Variants in DGKH observed in about 807,000 individuals in gnomAD.
DGKH encodes DAG kinase eta.
DGKH carries 90 observed loss-of-function variants against 159.3 expected under a neutral mutation model. The observed-to-expected ratio is 0.57, with a 90% confidence interval of 0.48 to 0.67. The LOEUF is 0.67. Ranked by LOEUF, DGKH falls within the 30% of genes least tolerant of loss-of-function variation. The pLI, the probability that DGKH is intolerant of heterozygous loss-of-function variation, is 0.00. For missense variants in DGKH, 1,181 were observed against 1,506.1 expected (o/e 0.78, Z 3.57); for synonymous variants, 536 against 553.8 (o/e 0.97, Z 0.45).
At chr13:42,072,377 T>C (rs1209214678) in intron 1 of DGKH, among the ~76,000 whole-genome samples, 1 of 152,224 alleles carries the variant, frequency 6.6e-6, no homozygotes, top group Non-Finnish European at 1.5e-5. Flanking sequence ...CACAGAGTTG[T>C]CGTGATGATT....
At chr13:42,092,029 A>G (rs1954428522) in intron 1 of DGKH, among the ~76,000 whole-genome samples, 1 of 152,218 alleles carries the variant, frequency 6.6e-6, no homozygotes. Context: ...TCTTACCAGC[A>G]CTGTATGAGT....
chr13:42,175,508 A>G (rs947156494), intron 12 of DGKH, among the ~76,000 whole-genome samples: 1 of 152,226 alleles, frequency 6.6e-6, no homozygotes, highest in Non-Finnish European at 1.5e-5. Flanking sequence ...TTTCCAAAAA[A>G]GACAAAAAGG....
At position 42,159,841 on chromosome 13, in the gene DGKH, T is replaced by G. The variant is rs9315894; in HGVS notation, c.730-170T>G. Among the ~76,000 whole-genome samples, 53,647 of 152,090 alleles carry G rather than the reference T, an allele frequency of 0.35. 9,972 individuals carry two copies. Among genetic ancestry groups the G allele is most frequent in the Non-Finnish European group, 0.42 (28,707 of 67,958 alleles). ...GAAAAGCTTTTACCTTACTTTTATA[T>G]TCCTTGAACGTTCATAATAGATGCT... On this transcript the variant is annotated intron_variant, in intron 6 of 29. Transcript: ENST00000337343.
At chr13:42,081,733 T>G (rs1276966284) in intron 1 of DGKH, among the ~76,000 whole-genome samples, 1 of 152,228 alleles carries the variant, frequency 6.6e-6, no homozygotes, top group East Asian at 1.9e-4. Context: ...CTTAATTTTC[T>G]GGCATAATGA....
At chr13:42,155,855 C>T in intron 5 of DGKH, 56 bp downstream of exon 5, 1 of 1,595,168 alleles carries the variant, frequency 6.3e-7, no homozygotes, top group East Asian at 2.2e-5. Context: ...TGTAGACATG[C>T]TGCCACTGGT....
At chr13:42,086,505 C>A (rs1185997915) in intron 1 of DGKH, among the ~76,000 whole-genome samples, 1 of 152,046 alleles carries the variant, frequency 6.6e-6, no homozygotes, top group Admixed American at 6.6e-5. Context: ...CATATATCTT[C>A]CAACTATAAT....
At chr13:42,064,077 G>A (rs942405325) in intron 1 of DGKH, among the ~76,000 whole-genome samples, 4 of 152,148 alleles carry the variant, frequency 2.6e-5, no homozygotes, top group East Asian at 3.9e-4. Context: ...GTGGGATGGC[G>A]TGAGGAGCTG....
At position 42,238,716 on chromosome 13, in the gene DGKH, T is replaced by C. The variant is rs1024164741; in HGVS notation, c.*9528T>C. On this transcript the variant is annotated 3_prime_UTR_variant, in exon 30 of 30. Coordinates refer to ENST00000337343, the MANE Select transcript of DGKH (RefSeq NM_178009.5). ...CCCATAAAGAAACTAAACTAGAGAT[T>C]GTCTTTATTAATTAATGGAACTCTG... 1.2e-4 allele frequency: 18 copies of C among 152,134 alleles called. No individual in the cohort carries two copies. Among genetic ancestry groups the C allele is most frequent in the African/African-American group, 4.3e-4 (18 of 41,434 alleles). 9.4% of individuals were successfully genotyped at this position (152,134 alleles called of 1,614,324 possible).
chr13:42,209,521 T>C (rs1027547028), intron 23 of DGKH, 56 bp downstream of exon 23: 2 of 1,471,266 alleles, frequency 1.4e-6, no homozygotes, highest in Non-Finnish European at 1.8e-6. Flanking sequence ...GAATCTGAAA[T>C]TGTTATAAAA....
At chr13:42,081,103 A>G (rs905793487) in intron 1 of DGKH, among the ~76,000 whole-genome samples, 3 of 152,184 alleles carry the variant, frequency 2.0e-5, no homozygotes, top group African/African-American at 7.2e-5. Context: ...TTAATATTAG[A>G]GATACATTTT....
intron 16 of DGKH, among the ~76,000 whole-genome samples, chr13:42,194,142 T>A (rs2138129560): frequency 6.6e-6 from 1 of 152,308 alleles, no homozygotes; most frequent in East Asian, 1.9e-4. Context: ...TTTCTTCCAT[T>A]TATTTGTTTA....
rs748130771 is a variant in DGKH at position 42,234,161 on chromosome 13, A to G, written c.*4973A>G. On this transcript the variant is annotated 3_prime_UTR_variant, in exon 30 of 30. Coordinates refer to ENST00000337343, the MANE Select transcript of DGKH (RefSeq NM_178009.5). The stretch of plus-strand genomic sequence containing the variant: ...ACTTAATTTTATAAGATTTTTCCCA[A>G]TGAGACTTATTTTCAGGAATCCTTC... 2.6e-5 allele frequency: 4 copies of G among 152,062 alleles called. No individual in the cohort carries two copies. Among genetic ancestry groups the G allele is most frequent in the Non-Finnish European group, 4.4e-5 (3 of 68,010 alleles). The allele number at this position is 152,062 out of a possible 1,614,324, so 9.4% of individuals were successfully genotyped here.
intron 2 of DGKH, among the ~76,000 whole-genome samples, chr13:42,127,910 C>T (rs1349499426): frequency 6.6e-6 from 1 of 152,068 alleles, no homozygotes; most frequent in African/African-American, 2.4e-5. Context: ...CCTTGTAAAT[C>T]TTTCCCTGAC....
chr13:42,096,188 C>T (rs954591853), intron 1 of DGKH, among the ~76,000 whole-genome samples: 1 of 151,798 alleles, frequency 6.6e-6, no homozygotes, highest in Non-Finnish European at 1.5e-5. Context: ...ATGAGTGATC[C>T]TGTCACCCAG....
At position 42,166,689 on chromosome 13, in the gene DGKH, A is replaced by AATAGGG; in HGVS notation, c.1118+15_1118+16insATAGGG. 1.2e-5 allele frequency: 18 copies of AATAGGG among 1,562,202 alleles called. No homozygotes were observed. Among genetic ancestry groups the AATAGGG allele is most frequent in the Non-Finnish European group, 1.5e-5 (17 of 1,157,000 alleles). On this transcript the variant is annotated intron_variant, in intron 9 of 29. Coordinates refer to ENST00000337343, the MANE Select transcript of DGKH (RefSeq NM_178009.5). ...CCTCATTTAGGGTAACTGATTATTG[A>AATAGGG]TAAATCTTATTTGAATACAATGTAG... is the stretch of plus-strand genomic sequence containing the variant.
chr13:42,151,505 GTATACACA>G lies in DGKH; in HGVS notation c.385-3784_385-3777del, dbSNP rs1303664919. 9.5e-4 allele frequency among the ~76,000 whole-genome samples: 75 copies of G among 79,254 alleles called. 1 individual carries two copies. The highest frequency in any genetic ancestry group is 3.1e-3 in the African/African-American group (60 of 19,646). 52.0% of individuals were successfully genotyped at this position (79,254 alleles called of 152,430 possible). A position where few individuals can be genotyped will look rare whatever the true frequency, so the allele number is the denominator to read the frequency against. On this transcript the variant is annotated intron_variant, in intron 3 of 29. Transcript: ENST00000337343. Reference sequence around the variant, plus strand: ...TGTGTGTGTGTGTGTGTGTGTGTGTGTATACACATGTATATATATACACGTGTATATAT... The same window carrying G: ...TGTGTGTGTGTGTGTGTGTGTGTGTGTGTATATATATACACGTGTATATAT...
intron 1 of DGKH, among the ~76,000 whole-genome samples, chr13:42,116,722 C>A (rs1051523512): frequency 6.6e-6 from 1 of 152,108 alleles, no homozygotes; most frequent in Non-Finnish European, 1.5e-5. Context: ...GACACAGAGG[C>A]GTTTCTGAAA....
chr13:42,079,174 C>T (rs1478372862), intron 1 of DGKH, among the ~76,000 whole-genome samples: 1 of 151,944 alleles, frequency 6.6e-6, no homozygotes, highest in Non-Finnish European at 1.5e-5. Context: ...CCTCGGTCTC[C>T]CAAAGTGCTG....
In DGKH at chr13:42,151,488, T is replaced by TATACAC. The variant is rs1468285699; in HGVS notation, c.385-3803_385-3802insATACAC. On this transcript the variant is annotated intron_variant, in intron 3 of 29. Coordinates refer to ENST00000337343, the MANE Select transcript of DGKH (RefSeq NM_178009.5). ...TGAGTAGTATTCCATGGTGTGTGTG[T>TATACAC]GTGTGTGTGTGTGTGTGTATACACA... is the stretch of plus-strand genomic sequence containing the variant. Among the ~76,000 whole-genome samples the TATACAC allele has an allele frequency of 6.5e-5, 9 of 139,054 alleles. No individual in the cohort carries two copies. The East Asian group carries it at 1.6e-3, about 24-fold the overall frequency. 91.2% of individuals were successfully genotyped at this position (139,054 alleles called of 152,430 possible).
Sources: gnomAD v4.1 joint callset for allele counts (sites outside exome capture counted in the v4.1 genomes callset) on GRCh38, gnomAD v4.1.1 for gene constraint, MANE v1.5 for transcripts, NCBI Gene and HGNC (gene_info 2026-07-23, HGNC 2026-07-21) for gene names.